Variants in SCAI observed in about 807,000 individuals in gnomAD.
SCAI encodes suppressor of cancer cell invasion.
Under a neutral mutation model 92.2 loss-of-function variants are expected in SCAI, and 24 were observed. The observed-to-expected ratio is 0.26, with a 90% CI of 0.19 to 0.37. SCAI has a LOEUF of 0.37. Ranked by LOEUF, SCAI falls within the 10% of genes least tolerant of loss-of-function variation. SCAI has a pLI of 1.00. For missense variants in SCAI, 450 were observed against 736.2 expected, an observed-to-expected ratio of 0.61 and a Z score of 4.50; for synonymous variants, 261 against 258.6, an observed-to-expected ratio of 1.01 and a Z score of -0.09.
At chr9:125,121,659 T>G (rs1181257686) in intron 2 of SCAI, among the ~76,000 whole-genome samples, 1 of 152,090 alleles carries the variant, frequency 6.6e-6, no homozygotes, top group African/African-American at 2.4e-5. Flanking sequence ...GAGACCAGCC[T>G]GGCCAACATG....
intron 10 of SCAI, 81 bp downstream of exon 10, chr9:125,003,388 A>G: frequency 9.5e-7 from 1 of 1,055,158 alleles, no homozygotes; most frequent in Non-Finnish European, 1.5e-6. Flanking sequence ...AGGCTGTAGT[A>G]TCTGTTGAAT....
chr9:125,109,880 G>A (rs1834897701), intron 2 of SCAI, among the ~76,000 whole-genome samples: 1 of 152,088 alleles, frequency 6.6e-6, no homozygotes, highest in Non-Finnish European at 1.5e-5. Flanking sequence ...TAGAGATGGG[G>A]TTTCGCCATG....
chr9:124,979,131 G>A (rs1222370419), intron 14 of SCAI, among the ~76,000 whole-genome samples: 3 of 151,954 alleles, frequency 2.0e-5, no homozygotes, highest in Non-Finnish European at 4.4e-5. Context: ...AAAGTGCTGG[G>A]ATTACAAGTG....
At chr9:125,129,819 C>A (rs1283466127) in intron 2 of SCAI, among the ~76,000 whole-genome samples, 2 of 151,748 alleles carry the variant, frequency 1.3e-5, no homozygotes, top group African/African-American at 2.4e-5. Context: ...ATCTAGATAC[C>A]GATTACTATG....
intron 9 of SCAI, among the ~76,000 whole-genome samples, chr9:125,006,568 T>C (rs910245549): frequency 1.3e-5 from 2 of 152,340 alleles, no homozygotes; most frequent in East Asian, 1.9e-4. Flanking sequence ...CTCGGCTCAC[T>C]GCAACCTCTG....
At chr9:125,049,957 A>T (rs1408818241) in intron 3 of SCAI, among the ~76,000 whole-genome samples, 1 of 152,178 alleles carries the variant, frequency 6.6e-6, no homozygotes, top group Non-Finnish European at 1.5e-5. Context: ...TCTTAAAAAC[A>T]CACTTACAGC....
intron 3 of SCAI, among the ~76,000 whole-genome samples, chr9:125,042,404 C>G (rs1047554980): frequency 2.4e-4 from 37 of 152,002 alleles, no homozygotes; most frequent in African/African-American, 8.9e-4. Flanking sequence ...CTTTACTAAA[C>G]TGAATTAGCT....
chr9:125,051,906 T>G (rs1414551746), intron 3 of SCAI, among the ~76,000 whole-genome samples: 3 of 151,742 alleles, frequency 2.0e-5, no homozygotes, highest in Non-Finnish European at 4.4e-5. Context: ...CCGTTTCTAC[T>G]AAAACAAATA....
At chr9:125,072,302 G>C (rs897631120) in intron 2 of SCAI, among the ~76,000 whole-genome samples, 1 of 152,130 alleles carries the variant, frequency 6.6e-6, no homozygotes, top group Non-Finnish European at 1.5e-5. Flanking sequence ...GATTACAGGC[G>C]TAAGATAGTA....
intron 2 of SCAI, among the ~76,000 whole-genome samples, chr9:125,100,295 CT>C (rs1428140928): frequency 6.6e-6 from 1 of 152,202 alleles, no homozygotes; most frequent in African/African-American, 2.4e-5. Flanking sequence ...AAAGCAATCA[CT>C]TATTGACTGT....
intron 3 of SCAI, among the ~76,000 whole-genome samples, chr9:125,032,193 A>ATTTTT (rs766382699): frequency 7.9e-4 from 86 of 108,926 alleles, no homozygotes; most frequent in African/African-American, 3.1e-3. Flanking sequence ...ATATATATAT[A>ATTTTT]TATTTTTTTT....
chr9:125,015,258 G>A, intron 9 of SCAI, among the ~76,000 whole-genome samples: 1 of 152,112 alleles, frequency 6.6e-6, no homozygotes, highest in East Asian at 1.9e-4. Context: ...CTACAAGATG[G>A]GAGAAAATGT....
At chr9:124,982,436 C>T (rs1210643475) in intron 14 of SCAI, among the ~76,000 whole-genome samples, 1 of 152,010 alleles carries the variant, frequency 6.6e-6, no homozygotes. Context: ...TTTTGGGAGG[C>T]CGAGGGGGGT....
At chr9:125,107,799 TCCCTCTC>T (rs776768028) in intron 2 of SCAI, among the ~76,000 whole-genome samples, 4 of 151,802 alleles carry the variant, frequency 2.6e-5, no homozygotes, top group South Asian at 2.1e-4. Flanking sequence ...GTAAATAAGC[TCCCTCTC>T]CCCTCTCCCC....
At chr9:124,975,581 C>G (rs765740876) in intron 15 of SCAI, among the ~76,000 whole-genome samples, 2 of 152,190 alleles carry the variant, frequency 1.3e-5, no homozygotes, top group Non-Finnish European at 1.5e-5. Context: ...AAACACTAAC[C>G]TGTCTCTCTG....
rs373622599 is a variant in SCAI, at chr9:124,994,928, A to G, written c.1326+6T>C. The G allele has an allele frequency of 6.2e-7, 1 of 1,606,708 alleles. No homozygotes were observed. The highest frequency in any genetic ancestry group is 1.3e-5 in the African/African-American group (1 of 74,898). On this transcript the variant is annotated splice_donor_region_variant and intron_variant, in intron 14 of 17. Coordinates refer to ENST00000336505, the MANE Select transcript of SCAI (RefSeq NM_001144877.3). ...CTACCTGTGCAATAGCTCTCATGGA[A>G]CTCACCTTATACGCAACACTATTAG...
At chr9:125,040,331 A>G (rs1001552582) in intron 3 of SCAI, among the ~76,000 whole-genome samples, 1 of 152,198 alleles carries the variant, frequency 6.6e-6, no homozygotes, top group Admixed American at 6.5e-5. Context: ...ACTGCACTCC[A>G]GCCTGGGTGA....
chr9:125,043,662 C>T (rs1322918508), intron 3 of SCAI, among the ~76,000 whole-genome samples: 1 of 152,154 alleles, frequency 6.6e-6, no homozygotes, highest in East Asian at 1.9e-4. Flanking sequence ...ACTCTGTTGT[C>T]CAAGCTGGAG....
chr9:125,099,574 T>C (rs772571951), intron 2 of SCAI, among the ~76,000 whole-genome samples: 21 of 152,132 alleles, frequency 1.4e-4, no homozygotes, highest in Admixed American at 1.3e-4. Flanking sequence ...CAGCTTTTCA[T>C]CCTTCAAAGA....
Sources: allele counts gnomAD v4.1 joint callset (sites outside exome capture counted in the v4.1 genomes callset), GRCh38; gene constraint gnomAD v4.1.1; transcripts MANE v1.5; gene names NCBI Gene and HGNC (gene_info 2026-07-23, HGNC 2026-07-21).